BACH2: variants seen among roughly 807,000 people sequenced by gnomAD.
BACH2 encodes the protein BACH transcriptional regulator 2, also known as transcription regulator protein BACH2.
Under a neutral mutation model 61.8 loss-of-function variants are expected in BACH2, and 5 were observed. The ratio of observed to expected loss-of-function variants is 0.08; its 90% CI spans 0.04 to 0.17. The LOEUF is 0.17. Ranked by LOEUF, BACH2 falls within the 10% of genes least tolerant of loss-of-function variation. The pLI, the probability that BACH2 is intolerant of heterozygous loss-of-function variation, is 1.00. For missense variants in BACH2, 824 were observed against 1,091.1 expected, an observed-to-expected ratio of 0.76 and a Z score of 3.45; for synonymous variants, 446 against 440.1, an observed-to-expected ratio of 1.01 and a Z score of -0.17.
In BACH2 at chr6:90,030,523, T is replaced by C. The variant is rs528395160; in HGVS notation, c.-12-21667A>G. Among the ~76,000 whole-genome samples the C allele has an allele frequency of 1.1e-4, 16 of 151,956 alleles. No individual in the cohort carries two copies. In the South Asian group the frequency reaches 3.1e-3, roughly 30 times the overall value. The stretch of plus-strand genomic sequence containing the variant: ...GCAATAAAAAATGACAAAGGGGATA[T>C]CACCACCGATGCCACAGAAATACAA... On this transcript the variant is annotated intron_variant, in intron 5 of 8. Coordinates refer to ENST00000257749, the MANE Select transcript of BACH2 (RefSeq NM_021813.4).
At chr6:90,286,651 C>G (rs558944343) in intron 1 of BACH2, among the ~76,000 whole-genome samples, 1 of 152,218 alleles carries the variant, frequency 6.6e-6, no homozygotes, top group Non-Finnish European at 1.5e-5. Flanking sequence ...TGAAGGGACA[C>G]AGTCTTCCAA....
At chr6:90,086,582 C>T (rs6931671) in intron 5 of BACH2, among the ~76,000 whole-genome samples, 4,557 of 152,204 alleles carry the variant, frequency 0.03, 227 homozygotes, top group African/African-American at 0.1. Flanking sequence ...ACTGAACGCT[C>T]GTCCAAAGAC....
intron 4 of BACH2, chr6:90,116,785 A>G: frequency 2.1e-6 from 1 of 476,002 alleles, no homozygotes; most frequent in South Asian, 2.7e-5. Flanking sequence ...CTACAGTGAC[A>G]GAATAGGTCC....
Position 90,039,045 on chromosome 6 carries a change from A to C in BACH2, c.-12-30189T>G, listed in dbSNP as rs1305692936. On this transcript the variant is annotated intron_variant, in intron 5 of 8. Transcript: ENST00000257749. ...ACAAGAGTGAAACTCCGTCTCCAAAAAAAAAAAAAAAAGTTTACATACTAA... is the reference window on the plus strand; with the variant it reads ...ACAAGAGTGAAACTCCGTCTCCAAACAAAAAAAAAAAAGTTTACATACTAA... Among the ~76,000 whole-genome samples, 4 of 151,828 alleles carry C rather than the reference A, an allele frequency of 2.6e-5. No homozygotes were observed. The East Asian group carries it at 7.7e-4, about 29-fold the overall frequency.
chr6:90,043,377 T>C (rs1562394934), intron 5 of BACH2, among the ~76,000 whole-genome samples: 1 of 152,154 alleles, frequency 6.6e-6, no homozygotes, highest in East Asian at 1.9e-4. Flanking sequence ...AAAAGCCATT[T>C]TGGCCATGTC....
At position 89,932,909 on chromosome 6, in the gene BACH2, AAG is replaced by A. The variant is rs766296748; in HGVS notation, c.2044-21_2044-20del. 19 of 1,548,402 alleles carry A rather than the reference AAG, an allele frequency of 1.2e-5. No individual in the cohort carries two copies. In the South Asian group the frequency reaches 1.6e-4, roughly 13 times the overall value. ...CACACACCTGGACAGTAGAGAAAAA[AAG>A]AGAAGGGTTGATCAAGCCTGAACTG... On this transcript the variant is annotated intron_variant, in intron 8 of 8. Transcript: ENST00000257749.
chr6:90,295,419 C>A (rs1164116997), intron 1 of BACH2, among the ~76,000 whole-genome samples: 2 of 152,128 alleles, frequency 1.3e-5, no homozygotes, highest in Non-Finnish European at 2.9e-5. Flanking sequence ...AAATGCTTGG[C>A]CAGACCGAGG....
At chr6:90,125,530 T>C (rs1056025290) in intron 4 of BACH2, among the ~76,000 whole-genome samples, 2 of 152,126 alleles carry the variant, frequency 1.3e-5, no homozygotes, top group Non-Finnish European at 2.9e-5. Flanking sequence ...AAAAGACCAA[T>C]CCTCTCCAAA....
chr6:90,214,155 C>A (rs537505174), intron 3 of BACH2, among the ~76,000 whole-genome samples: 114 of 152,270 alleles, frequency 7.5e-4, no homozygotes, highest in African/African-American at 2.6e-3. Context: ...CAATAGTGCA[C>A]GTCACTGCAA....
At chr6:89,978,708 G>C (rs1775790307) in intron 6 of BACH2, among the ~76,000 whole-genome samples, 1 of 151,302 alleles carries the variant, frequency 6.6e-6, no homozygotes. Flanking sequence ...GGAGGAGGGA[G>C]AGAAATAAAT....
At chr6:90,161,283 T>C (rs1220098875) in intron 4 of BACH2, among the ~76,000 whole-genome samples, 4 of 152,130 alleles carry the variant, frequency 2.6e-5, no homozygotes. Flanking sequence ...AGAAATGTGA[T>C]TATTTTTGCA....
intron 4 of BACH2, among the ~76,000 whole-genome samples, chr6:90,155,164 G>A (rs147568676): frequency 2.0e-4 from 30 of 152,326 alleles, no homozygotes; most frequent in African/African-American, 6.5e-4. Context: ...TTAAAGGGGT[G>A]AATTACCCAA....
At chr6:90,005,172 G>C (rs1446385953) in intron 6 of BACH2, among the ~76,000 whole-genome samples, 3 of 152,128 alleles carry the variant, frequency 2.0e-5, no homozygotes, top group African/African-American at 7.2e-5. Flanking sequence ...CTGGACGGCA[G>C]ATCTGGGTTT....
intron 4 of BACH2, among the ~76,000 whole-genome samples, chr6:90,136,901 A>C (rs1374154290): frequency 6.6e-6 from 1 of 151,938 alleles, no homozygotes; most frequent in Non-Finnish European, 1.5e-5. Flanking sequence ...CATGTGAGAA[A>C]GACTTGGACT....
chr6:90,281,260 T>C (rs1294728337), intron 1 of BACH2, among the ~76,000 whole-genome samples: 1 of 152,242 alleles, frequency 6.6e-6, no homozygotes, highest in Middle Eastern at 3.2e-3. Flanking sequence ...CCATGTGCAC[T>C]TGAACAATTA....
At chr6:89,956,791 A>G (rs1030159324) in intron 6 of BACH2, among the ~76,000 whole-genome samples, 2 of 152,196 alleles carry the variant, frequency 1.3e-5, no homozygotes, top group Admixed American at 1.3e-4. Context: ...GACTTGGAAC[A>G]TCATTCTCTA....
intron 4 of BACH2, among the ~76,000 whole-genome samples, chr6:90,194,020 C>A (rs2127845529): frequency 6.6e-6 from 1 of 152,148 alleles, no homozygotes; most frequent in East Asian, 1.9e-4. Flanking sequence ...AAACAAGTCA[C>A]AATGTCAAAG....
intron 5 of BACH2, among the ~76,000 whole-genome samples, chr6:90,019,201 A>G (rs1467985106): frequency 1.3e-5 from 2 of 152,236 alleles, no homozygotes; most frequent in Admixed American, 1.3e-4. Context: ...GGTGTGTTCA[A>G]TTCATAAAAA....
rs536968081 is a variant in BACH2, at chr6:90,110,961, A to T, written c.-161-21852T>A. Among the ~76,000 whole-genome samples the T allele has an allele frequency of 2.0e-5, 3 of 152,346 alleles. 1 individual carries two copies. Among genetic ancestry groups the T allele is most frequent in the Admixed American group, 2.0e-4 (3 of 15,306 alleles). The stretch of plus-strand genomic sequence containing the variant: ...TAAAAACAGTAATTGTTACTGCTTC[A>T]TACAGGATATTCTGAAGTGAAATTG... On this transcript the variant is annotated intron_variant, in intron 4 of 8. Coordinates refer to ENST00000257749, the MANE Select transcript of BACH2 (RefSeq NM_021813.4).
Sources: gnomAD v4.1 joint callset for allele counts (sites outside exome capture counted in the v4.1 genomes callset) on GRCh38, gnomAD v4.1.1 for gene constraint, MANE v1.5 for transcripts, NCBI Gene and HGNC (gene_info 2026-07-23, HGNC 2026-07-21) for gene names.